PEMT: variants seen among roughly 807,000 people sequenced by gnomAD.
PEMT encodes the protein phosphatidylethanolamine N-methyltransferase.
In PEMT, 23 loss-of-function variants were observed where a neutral mutation model predicts 27.4. The ratio of observed to expected loss-of-function variants is 0.84; its 90% CI spans 0.60 to 1.19. The LOEUF (loss-of-function observed/expected upper bound fraction) is 1.19, where lower values mean the gene tolerates loss of function less well. PEMT is among the 50% of genes most tolerant of loss of function. PEMT has a pLI of 0.00. For synonymous variants in PEMT, 137 were observed against 139.1 expected (o/e 0.98, Z 0.11); for missense variants, 307 against 310.1 (o/e 0.99, Z 0.07).
intron 2 of PEMT, among the ~76,000 whole-genome samples, chr17:17,528,960 C>G (rs2142560268): frequency 6.6e-6 from 1 of 152,360 alleles, no homozygotes; most frequent in Non-Finnish European, 1.5e-5. Context: ...GTCACATAAG[C>G]TTCATGTGCA....
chr17:17,534,662 C>A (rs983458802), intron 2 of PEMT, among the ~76,000 whole-genome samples: 4 of 152,130 alleles, frequency 2.6e-5, no homozygotes, highest in Non-Finnish European at 4.4e-5. Context: ...GATGGTGAGA[C>A]CCCCATCTCT....
At chr17:17,539,639 A>G (rs2142593450) in intron 2 of PEMT, among the ~76,000 whole-genome samples, 1 of 152,124 alleles carries the variant, frequency 6.6e-6, no homozygotes, top group Non-Finnish European at 1.5e-5. Flanking sequence ...GTGTATTTTC[A>G]TTTCTCTGAG....
chr17:17,570,078 T>C (rs1911084757), intron 2 of PEMT, among the ~76,000 whole-genome samples: 2 of 152,222 alleles, frequency 1.3e-5, no homozygotes, highest in Admixed American at 1.3e-4. Context: ...CAATGGGCAA[T>C]CCACGCTCAC....
At chr17:17,514,672 G>A (rs1015280864) in intron 3 of PEMT, among the ~76,000 whole-genome samples, 4 of 152,236 alleles carry the variant, frequency 2.6e-5, no homozygotes, top group Admixed American at 6.5e-5. Context: ...TCAGGGTCAC[G>A]GGCTGCCATG....
chr17:17,556,180 GC>G (rs1368509586), intron 2 of PEMT, among the ~76,000 whole-genome samples: 1 of 152,188 alleles, frequency 6.6e-6, no homozygotes, highest in African/African-American at 2.4e-5. Flanking sequence ...GCCAGGTCCT[GC>G]TCAACTGAGC....
chr17:17,547,882 T>C (rs1434113260), intron 2 of PEMT, among the ~76,000 whole-genome samples: 1 of 152,030 alleles, frequency 6.6e-6, no homozygotes, highest in Non-Finnish European at 1.5e-5. Context: ...AAAATCTAAA[T>C]CACAACTGAA....
At chr17:17,534,853 T>C (rs1434226241) in intron 2 of PEMT, among the ~76,000 whole-genome samples, 1 of 152,160 alleles carries the variant, frequency 6.6e-6, no homozygotes, top group African/African-American at 2.4e-5. Context: ...GTATGCTTCA[T>C]ATAGGTGCAC....
At chr17:17,518,282 C>G in intron 3 of PEMT, 1 of 413,898 alleles carries the variant, frequency 2.4e-6, no homozygotes, top group Non-Finnish European at 3.2e-6. Context: ...TGGCCATCCA[C>G]GCCTCGCCCA....
chr17:17,584,247 C>G (rs559027954), intron 1 of PEMT, among the ~76,000 whole-genome samples: 1 of 152,264 alleles, frequency 6.6e-6, no homozygotes, highest in Admixed American at 6.5e-5. Context: ...GCAAGCTCCA[C>G]CTCCCGGGTT....
At chr17:17,530,033 C>T (rs1471573998) in intron 2 of PEMT, among the ~76,000 whole-genome samples, 1 of 152,122 alleles carries the variant, frequency 6.6e-6, no homozygotes, top group African/African-American at 2.4e-5. Flanking sequence ...TGAAGAGGGG[C>T]TGGGGGAAGA....
chr17:17,574,883 A>G (rs962595769), intron 2 of PEMT, among the ~76,000 whole-genome samples: 5 of 152,186 alleles, frequency 3.3e-5, no homozygotes, highest in African/African-American at 1.2e-4. Flanking sequence ...CTCCGGCTGT[A>G]AGAGCCCAAC....
At chr17:17,539,403 GT>G (rs1175458706) in intron 2 of PEMT, among the ~76,000 whole-genome samples, 3 of 152,202 alleles carry the variant, frequency 2.0e-5, no homozygotes, top group African/African-American at 4.8e-5. Flanking sequence ...CTCCTGTCCT[GT>G]GTTCCATCCC....
At chr17:17,566,219 C>A (rs925392562) in intron 2 of PEMT, among the ~76,000 whole-genome samples, 3 of 152,210 alleles carry the variant, frequency 2.0e-5, no homozygotes, top group African/African-American at 7.2e-5. Context: ...CAGTGCAGGC[C>A]TGGGGCCTGG....
intron 2 of PEMT, among the ~76,000 whole-genome samples, chr17:17,562,339 GTGT>G: frequency 6.6e-6 from 1 of 152,328 alleles, no homozygotes; most frequent in African/African-American, 2.4e-5. Context: ...AGTGGCAGGA[GTGT>G]TGATGATGAC....
chr17:17,535,642 A>G (rs1198313595), intron 2 of PEMT, among the ~76,000 whole-genome samples: 1 of 152,116 alleles, frequency 6.6e-6, no homozygotes, highest in African/African-American at 2.4e-5. Context: ...TTTACTGATG[A>G]AATTTGATGT....
Position 17,505,857 on chromosome 17 carries a change from C to T in PEMT, c.654-9G>A, listed in dbSNP as rs761566561. On this transcript the variant is annotated splice_polypyrimidine_tract_variant and intron_variant, in intron 6 of 6. Transcript: ENST00000255389. ...TCTCAGCGGTGAAGGGCCTGCCGGG[C>T]AGCGGGGAGAGGCTTCGGTCAGCAG... 6.8e-6 allele frequency: 11 copies of T among 1,607,462 alleles called. No homozygotes were observed. The South Asian group carries it at 1.1e-4, about 16-fold the overall frequency.
At chr17:17,591,345 A>ACG in intron 1 of PEMT, 186 bp downstream of exon 1, 1 of 572,732 alleles carries the variant, frequency 1.7e-6, no homozygotes. Context: ...GCGCGCGCAC[A>ACG]CGCACACACA....
chr17:17,541,044 C>T (rs558929673), intron 2 of PEMT, among the ~76,000 whole-genome samples: 31 of 152,318 alleles, frequency 2.0e-4, no homozygotes, highest in South Asian at 6.2e-4. Flanking sequence ...GCTGAGTGCT[C>T]GGCTGAGACG....
chr17:17,533,884 C>T (rs978824684), intron 2 of PEMT, among the ~76,000 whole-genome samples: 1 of 152,096 alleles, frequency 6.6e-6, no homozygotes, highest in African/African-American at 2.4e-5. Flanking sequence ...GTGCATGCCA[C>T]GACACCCGGC....
Sources: allele counts gnomAD v4.1 joint callset (sites outside exome capture counted in the v4.1 genomes callset), GRCh38; gene constraint gnomAD v4.1.1; transcripts MANE v1.5; gene names NCBI Gene and HGNC (gene_info 2026-07-23, HGNC 2026-07-21).